Variants in TTN observed in about 807,000 individuals in gnomAD.
TTN encodes the protein titin.
Under a neutral mutation model 3,223.0 loss-of-function variants are expected in TTN, and 1,525 were observed. The observed-to-expected ratio is 0.47, with a 90% confidence interval of 0.45 to 0.49. The LOEUF (loss-of-function observed/expected upper bound fraction) is 0.49. Among genes scored for constraint, TTN ranks in the 20% least tolerant of loss-of-function variants. TTN has a pLI of 0.00. For synonymous variants in TTN, 14,094 were observed against 15,161.0 expected, an observed-to-expected ratio of 0.93 and a Z score of 5.17; for missense variants, 40,786 against 43,424.0, an observed-to-expected ratio of 0.94 and a Z score of 5.40.
Position 178,576,885 on chromosome 2 carries a change from A to AATG in TTN, c.69412+35_69412+37dup. On this transcript the variant is annotated intron_variant, in intron 324 of 362. Transcript: ENST00000589042. The surrounding 1 kb of genome is among the most constrained non-coding windows in gnomAD (Gnocchi z 4.3). The stretch of plus-strand genomic sequence containing the variant: ...CCATGATTTCCTAAACTCTGCTATA[A>AATG]ATGTTTCCATGTCAATTCCCTCACA... 6.2e-7 allele frequency: 1 copy of AATG among 1,605,824 alleles called. No homozygotes were observed. Among genetic ancestry groups the AATG allele is most frequent in the Non-Finnish European group, 8.5e-7 (1 of 1,177,388 alleles).
At position 178,541,185 on chromosome 2, in the gene TTN, T is replaced by C. The variant is rs1575381684; in HGVS notation, c.97795+97A>G. 7.4e-6 allele frequency: 9 copies of C among 1,210,942 alleles called. No individual in the cohort carries two copies. The East Asian group carries it at 2.4e-4, about 33-fold the overall frequency. The allele number at this position is 1,210,942 out of a possible 1,614,324, so 75.0% of individuals were successfully genotyped here. The stretch of plus-strand genomic sequence containing the variant: ...GTGGTGGTGATTACAAAACAGTACA[T>C]TTTTCAAAAGTCATAGAACTATATA... On this transcript the variant is annotated intron_variant, in intron 350 of 362. Transcript: ENST00000589042.
chr2:178,651,545 GAT>G lies in TTN; in HGVS notation c.39464-11_39464-10del. On this transcript the variant is annotated splice_polypyrimidine_tract_variant and intron_variant, in intron 206 of 362. Transcript: ENST00000589042. ...CTTGGGCACCTCGGGCACTATAAAA[GAT>G]ATTAGTAGTTGTTTAAGCTCATGGT... The G allele has an allele frequency of 6.2e-7, 1 of 1,612,708 alleles. No individual in the cohort carries two copies. The highest frequency in any genetic ancestry group is 2.2e-5 in the East Asian group (1 of 44,840).
chr2:178,553,569 A>G lies in TTN; in HGVS notation c.89436T>C (p.Ala29812=), dbSNP rs1274213266. The stretch of plus-strand genomic sequence containing the variant: ...GTTCTCCTTGTCCAGCACAGTTTAC[A>G]GCAGATACCCGGAAGTAGTAATTGA... ...PGVNYYFRVS[A]VNCAGQGEPI... Residue 29812 remains alanine, a synonymous_variant, in exon 334 of 363, where the codon GCT becomes GCC. Coordinates refer to ENST00000589042, the MANE Select transcript of TTN (RefSeq NM_001267550.2). The G allele has an allele frequency of 6.2e-7, 1 of 1,613,958 alleles. No homozygotes were observed. The highest frequency in any genetic ancestry group is 1.1e-5 in the South Asian group (1 of 91,084).
At chr2:178,617,721 G>A in intron 253 of TTN, 58 bp downstream of exon 253, 1 of 1,561,318 alleles carries the variant, frequency 6.4e-7, no homozygotes, top group Non-Finnish European at 8.7e-7. Context: ...TATTTTAATT[G>A]ATAGGCCTAA....
chr2:178,689,623 T>A, intron 122 of TTN, 28 bp from the exon 123 acceptor site: 1 of 1,571,170 alleles, frequency 6.4e-7, no homozygotes, highest in South Asian at 1.2e-5. Flanking sequence ...AGAATTGACT[T>A]TATATTTTCT....
chr2:178,741,208 A>G lies in TTN; in HGVS notation c.12025T>C (p.Tyr4009His), dbSNP rs1166395538. ...NDPQREDSGLYICKAENMLGE... is the reference protein window; with the variant it reads ...NDPQREDSGLHICKAENMLGE... ...AACATATTCTCTGCTTTACAGATAT[A>G]GAGGCCACTGTCTTCCCTCTGAGGG... The change falls in exon 48 of 363, where the codon TAT (tyrosine) becomes CAT (histidine). Residue 4009 changes from tyrosine to histidine, a missense_variant. Transcript: ENST00000589042. 1 of 1,613,368 alleles carries G rather than the reference A, an allele frequency of 6.2e-7. No homozygotes were observed. The highest frequency in any genetic ancestry group is 1.7e-5 in the Admixed American group (1 of 60,006).
rs372881122 is a variant in TTN, at chr2:178,617,129, C to T, written c.47866G>A (p.Asp15956Asn). The T allele has an allele frequency of 1.6e-5, 25 of 1,609,932 alleles. No individual in the cohort carries two copies. In the African/African-American group the frequency reaches 1.7e-4, roughly 11 times the overall value. Residue 15956 changes from aspartate to asparagine, a missense_variant, in exon 255 of 363, where the codon GAT (aspartate) becomes AAT (asparagine). Coordinates refer to ENST00000589042, the MANE Select transcript of TTN (RefSeq NM_001267550.2). ...TAAAATATCTATTTACCAAATGCAT[C>T]GTCAGCGGTGAGAGGACCAAGAATT... ...SEILGPLTAD[D>N]AFVEPTMDLS... is the part of the protein sequence containing the mutation.
chr2:178,611,606 G>C lies in TTN; in HGVS notation c.50623C>G (p.Pro16875Ala). The change falls in exon 269 of 363, where the codon CCT (proline) becomes GCT (alanine). Residue 16875 changes from proline (P) to alanine (A), a missense_variant. Physicochemically the swap from Pro to Ala is conservative, Grantham distance 27. Coordinates refer to ENST00000589042, the MANE Select transcript of TTN (RefSeq NM_001267550.2). Reference protein sequence around the residue: ...GRKHIAIAWKPPEKNGGSPII... With the variant: ...GRKHIAIAWKAPEKNGGSPII... ...GGACTTCCACCATTTTTCTCTGGAGGCTTCCAAGCAATGGCAATGTGTTTT... is the reference window on the plus strand; with the variant it reads ...GGACTTCCACCATTTTTCTCTGGAGCCTTCCAAGCAATGGCAATGTGTTTT... The C allele has an allele frequency of 6.2e-7, 1 of 1,613,006 alleles. No homozygotes were observed. Among genetic ancestry groups the C allele is most frequent in the Non-Finnish European group, 8.5e-7 (1 of 1,179,334 alleles).
intron 270 of TTN, 123 bp downstream of exon 270, chr2:178,610,870 A>G: frequency 1.7e-6 from 2 of 1,202,796 alleles, no homozygotes; most frequent in Non-Finnish European, 2.3e-6. Context: ...ACATAATCAG[A>G]AGTGACATTT....
chr2:178,615,732 T>A lies in TTN; in HGVS notation c.48369A>T (p.Lys16123Asn), dbSNP rs374696964. Reference protein sequence around the residue: ...EFTVPDLVQGKEYLFKVCARN... With the variant: ...EFTVPDLVQGNEYLFKVCARN... ...GAGCACAAACTTTAAATAAGTACTC[T>A]TTTCCTTGAACAAGATCAGGAACTG... The change falls in exon 258 of 363, where the codon AAA (lysine) becomes AAT (asparagine). Residue 16123 changes from lysine to asparagine, a missense_variant. Physicochemically the swap from Lys to Asn is moderately conservative, Grantham distance 94 (BLOSUM62 0). Transcript: ENST00000589042. 3 of 1,612,174 alleles carry A rather than the reference T, an allele frequency of 1.9e-6. No homozygotes were observed. The African/African-American group carries it at 4.0e-5, about 22-fold the overall frequency.
chr2:178,532,237 A>C lies in TTN; in HGVS notation c.104378T>G (p.Met34793Arg). The stretch of plus-strand genomic sequence containing the variant: ...CTTTCTAGACTTTTCCTCCTTTGAC[A>C]TGAAGTCAAGTTCGCTTTTGTATTC... ...LSEYKSELDF[M>R]SKEEKSRKKS... is the part of the protein sequence containing the mutation. The change falls in exon 358 of 363, where the codon ATG (methionine) becomes AGG (arginine). Residue 34793 changes from methionine to arginine, a missense_variant. By Grantham distance (91) the Met-to-Arg change is moderately conservative. Coordinates refer to ENST00000589042, the MANE Select transcript of TTN (RefSeq NM_001267550.2). The C allele has an allele frequency of 6.2e-7, 1 of 1,613,614 alleles. No homozygotes were observed. Among genetic ancestry groups the C allele is most frequent in the African/African-American group, 1.3e-5 (1 of 75,018 alleles).
At chr2:178,697,063 T>A (rs966905179) in intron 113 of TTN, 58 bp downstream of exon 113, 2 of 1,392,266 alleles carry the variant, frequency 1.4e-6, no homozygotes, top group Non-Finnish European at 2.0e-6. Flanking sequence ...ATAAGAATAG[T>A]TAGCAGAAGT....
At chr2:178,651,858 G>A in intron 205 of TTN, 26 bp downstream of exon 205, 1 of 1,600,884 alleles carries the variant, frequency 6.2e-7, no homozygotes, top group Non-Finnish European at 8.5e-7. Context: ...TGGCCGAGGT[G>A]TCCTAGCAGC....
intron 155 of TTN, among the ~76,000 whole-genome samples, chr2:178,671,379 C>T (rs572028926): frequency 1.8e-4 from 27 of 151,696 alleles, no homozygotes; most frequent in African/African-American, 6.3e-4. Flanking sequence ...CACACACATT[C>T]CTTCATATTA....
Position 178,672,043 on chromosome 2 carries a change from C to A in TTN, c.35155G>T (p.Val11719Phe), listed in dbSNP as rs754098075. ...RVEEEHRVEKVHRVIEVFEAE... is the reference protein window; with the variant it reads ...RVEEEHRVEKFHRVIEVFEAE... ...TCAAAAACTTCTATTACCCTATGAA[C>A]TTTTTCAACTCTGTGTTCTTCTTCA... The change falls in exon 155 of 363, where the codon GTT becomes TTT. Residue 11719 changes from valine (V) to phenylalanine (F), a missense_variant. By Grantham distance (50) the Val-to-Phe change is conservative. Transcript: ENST00000589042. 1.3e-5 allele frequency: 21 copies of A among 1,611,110 alleles called. No individual in the cohort carries two copies. The highest frequency in any genetic ancestry group is 1.8e-5 in the Non-Finnish European group (21 of 1,178,868).
At position 178,577,089 on chromosome 2, in the gene TTN, G is replaced by A; in HGVS notation, c.69246C>T (p.Thr23082=). The change falls in exon 324 of 363, where the codon ACC becomes ACT. Residue 23082 remains threonine, a synonymous_variant. Transcript: ENST00000589042. The part of the protein sequence containing the change: ...IKSYILEKRE[T]SRLLWTVVSE... ...AAACCACTGTCCACAAAAGTCGGCT[G>A]GTTTCTCTCTTTTCAAGTATATAGG... The A allele has an allele frequency of 6.2e-7, 1 of 1,613,262 alleles. No individual in the cohort carries two copies. The highest frequency in any genetic ancestry group is 8.5e-7 in the Non-Finnish European group (1 of 1,179,534).
rs1211111181 is a variant in TTN at position 178,634,899 on chromosome 2, A to G, written c.42025-50T>C. The G allele has an allele frequency of 6.4e-7, 1 of 1,564,314 alleles. No individual in the cohort carries two copies. Among genetic ancestry groups the G allele is most frequent in the Non-Finnish European group, 8.6e-7 (1 of 1,161,998 alleles). Reference sequence around the variant, plus strand: ...CATTTGAAAGAGATAAATTCCCTATAGGAGAAGTGTTTCAGATACAAATTT... The same window carrying G: ...CATTTGAAAGAGATAAATTCCCTATGGGAGAAGTGTTTCAGATACAAATTT... On this transcript the variant is annotated intron_variant, in intron 228 of 362. Coordinates refer to ENST00000589042, the MANE Select transcript of TTN (RefSeq NM_001267550.2). This position sits in a 1 kb window ranked among gnomAD's most constrained non-coding sequence, Gnocchi z 4.6.
At position 178,634,860 on chromosome 2, in the gene TTN, A is replaced by G. The variant is rs752923485; in HGVS notation, c.42025-11T>C. 7 of 1,603,678 alleles carry G rather than the reference A, an allele frequency of 4.4e-6. No individual in the cohort carries two copies. The Admixed American group carries it at 1.0e-4, about 24-fold the overall frequency. On this transcript the variant is annotated splice_polypyrimidine_tract_variant and intron_variant, in intron 228 of 362. Transcript: ENST00000589042. The surrounding 1 kb of genome is among the most constrained non-coding windows in gnomAD (Gnocchi z 4.6). ...TTTGATTTCACAAGTCTGAAAAACA[A>G]TAGTTTTAGTAACCATTTGAAAGAG...
intron 31 of TTN, 44 bp from the exon 32 acceptor site, chr2:178,773,769 T>C (rs764418130): frequency 7.4e-6 from 12 of 1,614,050 alleles, no homozygotes; most frequent in South Asian, 6.6e-5. Context: ...TTTGTTGAAA[T>C]TGTCTGCTCC....
Sources: gnomAD v4.1 joint callset for allele counts (sites outside exome capture counted in the v4.1 genomes callset) on GRCh38, gnomAD v4.1.1 for gene constraint, Gnocchi (gnomAD v3.1) non-coding constraint, MANE v1.5 for transcripts, NCBI Gene and HGNC (gene_info 2026-07-23, HGNC 2026-07-21) for gene names.